PPP3CA: variants seen among roughly 807,000 people sequenced by gnomAD.
PPP3CA encodes CAM-PRP catalytic subunit.
A neutral mutation model predicts 66.5 loss-of-function variants in PPP3CA; 14 were observed. The ratio of observed to expected loss-of-function variants is 0.21; its 90% confidence interval spans 0.14 to 0.33. The LOEUF is 0.33. Among genes scored for constraint, PPP3CA ranks in the 10% least tolerant of loss-of-function variants. The probability of loss-of-function intolerance (pLI) is 1.00; values close to 1 mark genes in which losing one functional copy is unlikely to be tolerated. For missense variants in PPP3CA, 317 were observed against 639.5 expected (o/e 0.50, Z 5.44); for synonymous variants, 232 against 226.2 (o/e 1.03, Z -0.23).
chr4:101,216,744 C>A (rs1334847105), intron 1 of PPP3CA, among the ~76,000 whole-genome samples: 1 of 151,740 alleles, frequency 6.6e-6, no homozygotes, highest in African/African-American at 2.4e-5. Flanking sequence ...AGAGATGAGG[C>A]TTCACAATGT....
intron 3 of PPP3CA, among the ~76,000 whole-genome samples, chr4:101,105,987 A>G (rs1472453630): frequency 6.6e-6 from 1 of 152,152 alleles, no homozygotes; most frequent in Non-Finnish European, 1.5e-5. Context: ...AGATGAATTT[A>G]AGAGTTACTA....
At chr4:101,228,936 T>C (rs1172695333) in intron 1 of PPP3CA, among the ~76,000 whole-genome samples, 2 of 151,602 alleles carry the variant, frequency 1.3e-5, no homozygotes, top group African/African-American at 4.8e-5. Flanking sequence ...ATTAATAAAA[T>C]GTGAGGGACT....
intron 2 of PPP3CA, among the ~76,000 whole-genome samples, chr4:101,140,277 T>C (rs1279613414): frequency 1.3e-5 from 2 of 152,188 alleles, no homozygotes; most frequent in African/African-American, 4.8e-5. Context: ...TTAAACTAGA[T>C]TTTAGTGTAT....
chr4:101,203,457 A>G (rs908615868), intron 1 of PPP3CA, among the ~76,000 whole-genome samples: 2 of 152,006 alleles, frequency 1.3e-5, no homozygotes, highest in Non-Finnish European at 2.9e-5. Flanking sequence ...TTCACACCAC[A>G]GCACTCCAGC....
chr4:101,027,662 T>C (rs550340669), intron 13 of PPP3CA, among the ~76,000 whole-genome samples: 28 of 152,270 alleles, frequency 1.8e-4, no homozygotes, highest in Non-Finnish European at 4.0e-4. Flanking sequence ...TGAATATAAT[T>C]TCATCATAAT....
intron 6 of PPP3CA, among the ~76,000 whole-genome samples, chr4:101,090,509 G>A (rs1167090148): frequency 1.3e-5 from 2 of 151,668 alleles, no homozygotes; most frequent in Admixed American, 1.3e-4. Context: ...AGGCATGGTG[G>A]CGCATGCCTG....
chr4:101,034,671 C>A (rs575368553), intron 11 of PPP3CA, among the ~76,000 whole-genome samples: 1 of 152,204 alleles, frequency 6.6e-6, no homozygotes, highest in East Asian at 1.9e-4. Flanking sequence ...AAATGTTAAT[C>A]CATATTTTAG....
intron 5 of PPP3CA, among the ~76,000 whole-genome samples, chr4:101,098,090 TAA>T (rs1730278485): frequency 6.6e-6 from 1 of 152,150 alleles, no homozygotes; most frequent in South Asian, 2.1e-4. Context: ...ATGGAAATGA[TAA>T]GGCATATTTT....
intron 1 of PPP3CA, among the ~76,000 whole-genome samples, chr4:101,327,780 T>G (rs77325614): frequency 1.6e-3 from 247 of 152,260 alleles, no homozygotes; most frequent in Non-Finnish European, 2.7e-3. Flanking sequence ...AGCAGGAAAG[T>G]TGTAATGCAT....
intron 8 of PPP3CA, among the ~76,000 whole-genome samples, chr4:101,075,945 C>T (rs1729169871): frequency 6.6e-6 from 1 of 152,120 alleles, no homozygotes; most frequent in Non-Finnish European, 1.5e-5. Context: ...ATCCCCAACA[C>T]CTAGCATGGA....
intron 1 of PPP3CA, among the ~76,000 whole-genome samples, chr4:101,299,143 G>T (rs1310243885): frequency 7.3e-6 from 1 of 136,522 alleles, no homozygotes; most frequent in Non-Finnish European, 1.5e-5. Flanking sequence ...GGTACAGAAG[G>T]GGTCTTGCTA....
chr4:101,256,721 T>C (rs919481623), intron 1 of PPP3CA, among the ~76,000 whole-genome samples: 8 of 152,006 alleles, frequency 5.3e-5, no homozygotes, highest in African/African-American at 1.9e-4. Context: ...TGTTTACAAG[T>C]AGGATTTTCT....
chr4:101,275,891 GTTTT>G (rs1253265325), intron 1 of PPP3CA, among the ~76,000 whole-genome samples: 1 of 138,002 alleles, frequency 7.2e-6, no homozygotes, highest in East Asian at 2.5e-4. Context: ...TTGTTTGTTT[GTTTT>G]TTGTTTTTTG....
chr4:101,310,044 C>T (rs1201538797), intron 1 of PPP3CA, among the ~76,000 whole-genome samples: 1 of 152,178 alleles, frequency 6.6e-6, no homozygotes, highest in African/African-American at 2.4e-5. Context: ...CTAAAATCTA[C>T]TTTCGTTTAA....
At chr4:101,107,795 G>C (rs546861426) in intron 3 of PPP3CA, among the ~76,000 whole-genome samples, 3 of 152,222 alleles carry the variant, frequency 2.0e-5, no homozygotes, top group African/African-American at 7.2e-5. Flanking sequence ...TTGAAATATA[G>C]AATGTTTTTC....
chr4:101,029,927 C>G (rs1726865248), intron 12 of PPP3CA, among the ~76,000 whole-genome samples: 1 of 151,854 alleles, frequency 6.6e-6, no homozygotes, highest in Non-Finnish European at 1.5e-5. Context: ...GTGGAATATC[C>G]TTTTTGGAAG....
intron 8 of PPP3CA, among the ~76,000 whole-genome samples, chr4:101,072,211 C>A (rs1214065526): frequency 6.6e-6 from 1 of 152,230 alleles, no homozygotes; most frequent in Non-Finnish European, 1.5e-5. Context: ...GGATGCATAA[C>A]ACTCAGGTAA....
chr4:101,105,235 C>T lies in PPP3CA; in HGVS notation c.384+3719G>A, dbSNP rs542734997. Reference sequence around the variant, plus strand: ...AGGCTGGAGTGCAGTGGCATGATCTCGGCTCACTGCAACCTCCGCCTCCTG... The same window carrying T: ...AGGCTGGAGTGCAGTGGCATGATCTTGGCTCACTGCAACCTCCGCCTCCTG... On this transcript the variant is annotated intron_variant, in intron 3 of 13. Coordinates refer to ENST00000394854, the MANE Select transcript of PPP3CA (RefSeq NM_000944.5). 1.3e-3 allele frequency among the ~76,000 whole-genome samples: 192 copies of T among 148,846 alleles called. 1 individual carries two copies. Among genetic ancestry groups the T allele is most frequent in the African/African-American group, 4.6e-3 (185 of 40,406 alleles).
chr4:101,188,244 A>C (rs879441840), intron 2 of PPP3CA, among the ~76,000 whole-genome samples: 6 of 152,166 alleles, frequency 3.9e-5, no homozygotes, highest in Non-Finnish European at 7.4e-5. Context: ...AAAGAAAAGC[A>C]GTGAAATAAA....
Sources: allele counts gnomAD v4.1 joint callset (sites outside exome capture counted in the v4.1 genomes callset), GRCh38; gene constraint gnomAD v4.1.1; transcripts MANE v1.5; gene names NCBI Gene and HGNC (gene_info 2026-07-23, HGNC 2026-07-21).